The following CHLSN variants were observed in gnomAD, a reference collection of about 807,000 sequenced individuals.
The protein encoded by CHLSN is protein cholesin.
At chr7:1,005,827 C>G in the CHLSN span, among the ~76,000 whole-genome samples, 5 of 152,194 alleles carry the variant, frequency 3.3e-5, no homozygotes, top group African/African-American at 1.2e-4. Flanking sequence ...CCGTGTGGCC[C>G]GGGTCCCAGT....
the CHLSN span, among the ~76,000 whole-genome samples, chr7:1,041,946 G>A: frequency 2.6e-5 from 4 of 152,206 alleles, no homozygotes; most frequent in East Asian, 5.8e-4. Context: ...CTGCCGACCC[G>A]CCTGAATGCG....
the CHLSN span, among the ~76,000 whole-genome samples, chr7:1,078,923 AGCGG>A: frequency 5.9e-5 from 4 of 67,572 alleles, no homozygotes; most frequent in Non-Finnish European, 1.9e-4. Flanking sequence ...CCCCCACCCC[AGCGG>A]GTCAGGGCTC....
At chr7:1,080,207 C>T in the CHLSN span, among the ~76,000 whole-genome samples, 9 of 152,234 alleles carry the variant, frequency 5.9e-5, no homozygotes, top group Admixed American at 2.6e-4. Context: ...CCAATCCTAG[C>T]GATCCACCCA....
chr7:1,092,946 A>G, the CHLSN span: 20 of 1,253,608 alleles, frequency 1.6e-5, no homozygotes, highest in Non-Finnish European at 2.1e-5. Context: ...TCATGTCTCT[A>G]AACTGCGGTC....
At chr7:987,527 C>T in the CHLSN span, 8 of 1,520,904 alleles carry the variant, frequency 5.3e-6, no homozygotes, top group South Asian at 9.6e-5. Context: ...TTCCTGCTCC[C>T]CAAGGTGGGG....
chr7:1,135,370 T>C, the CHLSN span, among the ~76,000 whole-genome samples: 1 of 152,116 alleles, frequency 6.6e-6, no homozygotes, highest in Non-Finnish European at 1.5e-5. Flanking sequence ...TATATATACA[T>C]GGTCATATAT....
the CHLSN span, among the ~76,000 whole-genome samples, chr7:1,006,483 G>A: frequency 0.034 from 4,608 of 136,710 alleles, 140 homozygotes; most frequent in Middle Eastern, 0.056. Flanking sequence ...AAGAGCACAC[G>A]ACGGCCACAG....
At chr7:985,287 T>C in the CHLSN span, 1 of 1,551,660 alleles carries the variant, frequency 6.4e-7, no homozygotes, top group Non-Finnish European at 8.7e-7. Flanking sequence ...GTCTCATCGA[T>C]GAGGTCATGG....
chr7:1,005,389 C>T, the CHLSN span, among the ~76,000 whole-genome samples: 2 of 152,212 alleles, frequency 1.3e-5, no homozygotes, highest in Non-Finnish European at 2.9e-5. Flanking sequence ...CATCTGAAGC[C>T]GGCCCGCAGC....
At chr7:1,028,146 G>T in the CHLSN span, 8 of 740,246 alleles carry the variant, frequency 1.1e-5, no homozygotes, top group Non-Finnish European at 1.3e-5. Context: ...GCGTCTGGAC[G>T]CCACGGCCTC....
chr7:1,091,942 A>G, the CHLSN span: 3 of 1,613,812 alleles, frequency 1.9e-6, no homozygotes, highest in South Asian at 2.2e-5. Flanking sequence ...CCTCTTCCCC[A>G]TCGGCTTTGT....
At chr7:1,075,666 G>A in the CHLSN span, among the ~76,000 whole-genome samples, 1 of 148,044 alleles carries the variant, frequency 6.8e-6, no homozygotes. Flanking sequence ...AGGCTGGAGT[G>A]CAGTGGCGCA....
chr7:1,137,970 G>A, the CHLSN span: 3 of 150,758 alleles, frequency 2.0e-5, no homozygotes, highest in Non-Finnish European at 3.0e-5. Context: ...ACCCAGAGGC[G>A]GGTGCGGGTG....
the CHLSN span, chr7:985,242 T>G: frequency 6.4e-7 from 1 of 1,552,602 alleles, no homozygotes; most frequent in Non-Finnish European, 8.7e-7. Context: ...GCCGCCGATT[T>G]GACTACCGGG....
chr7:1,113,708 G>C, the CHLSN span, among the ~76,000 whole-genome samples: 2 of 152,164 alleles, frequency 1.3e-5, no homozygotes, highest in East Asian at 3.9e-4. Flanking sequence ...CCTCCTCTTA[G>C]ACAGCACTGA....
chr7:1,074,813 C>CAGCCGCTCGAGGGACCCGCCCATGTGT, the CHLSN span: 1 of 152,450 alleles, frequency 6.6e-6, no homozygotes, highest in Admixed American at 6.5e-5. Flanking sequence ...GCCTGCCGAG[C>CAGCCGCTCGAGGGACCCGCCCATGTGT]AGCCGCTCGA....
chr7:1,028,275 G>A, the CHLSN span: 14 of 1,080,746 alleles, frequency 1.3e-5, no homozygotes, highest in Middle Eastern at 8.8e-4. Context: ...CCGGCTGTCA[G>A]GTCCCGCGGG....
At chr7:1,137,990 G>T in the CHLSN span, 1 of 113,068 alleles carries the variant, frequency 8.8e-6, no homozygotes, top group Non-Finnish European at 1.8e-5. Flanking sequence ...GTCGGAGCCC[G>T]CGCCGGGACG....
the CHLSN span, among the ~76,000 whole-genome samples, chr7:1,043,026 CG>C: frequency 2.0e-5 from 3 of 150,640 alleles, no homozygotes; most frequent in Non-Finnish European, 4.4e-5. Flanking sequence ...CCCAGGCAGG[CG>C]GATCACTTGA....
Sources: gnomAD v4.1 joint callset for allele counts (sites outside exome capture counted in the v4.1 genomes callset) on GRCh38, gnomAD v4.1.1 for gene constraint, MANE v1.5 for transcripts, NCBI Gene and HGNC (gene_info 2026-07-23, HGNC 2026-07-21) for gene names.